Variants in GRIK3 observed in about 807,000 individuals in gnomAD.
GRIK3 encodes the protein glutamate receptor ionotropic, kainate 3.
Under a neutral mutation model 102.5 loss-of-function variants are expected in GRIK3, and 29 were observed. The observed-to-expected ratio is 0.28, with a 90% CI of 0.21 to 0.39. The LOEUF (loss-of-function observed/expected upper bound fraction) is 0.39. Among genes scored for constraint, GRIK3 ranks in the 10% least tolerant of loss-of-function variants. The probability of loss-of-function intolerance (pLI) is 1.00; values close to 1 mark genes in which losing one functional copy is unlikely to be tolerated. For missense variants in GRIK3, 908 were observed against 1,252.4 expected (o/e 0.73, Z 4.15); for synonymous variants, 511 against 504.9 (o/e 1.01, Z -0.16).
intron 1 of GRIK3, among the ~76,000 whole-genome samples, chr1:36,957,527 GTGTGCCCCGTGTCC>G (rs1176251874): frequency 2.9e-5 from 3 of 103,886 alleles, no homozygotes; most frequent in African/African-American, 6.9e-5. Context: ...CCATAAGCCT[GTGTGCCCCGTGTCC>G]TGTGCCCCGT....
intron 10 of GRIK3, among the ~76,000 whole-genome samples, chr1:36,829,049 A>G (rs903792174): frequency 1.3e-5 from 2 of 152,358 alleles, no homozygotes; most frequent in South Asian, 4.1e-4. Flanking sequence ...ACAACTGGCC[A>G]ATATGACCTT....
At chr1:36,969,773 C>A (rs945426817) in intron 1 of GRIK3, among the ~76,000 whole-genome samples, 9 of 152,220 alleles carry the variant, frequency 5.9e-5, no homozygotes, top group East Asian at 3.9e-4. Context: ...TGGCTTCAGG[C>A]CATAACACAC....
chr1:36,829,161 T>G (rs1483165249), intron 10 of GRIK3, among the ~76,000 whole-genome samples: 1 of 152,204 alleles, frequency 6.6e-6, no homozygotes, highest in Non-Finnish European at 1.5e-5. Flanking sequence ...TCACCGTTAG[T>G]TACGATTTCC....
At chr1:36,939,010 G>C (rs779599569) in intron 1 of GRIK3, among the ~76,000 whole-genome samples, 1 of 152,146 alleles carries the variant, frequency 6.6e-6, no homozygotes, top group Non-Finnish European at 1.5e-5. Flanking sequence ...TTTGAGTCTC[G>C]TCTCTTTGAG....
chr1:36,837,265 G>A (rs1464000560), intron 10 of GRIK3, among the ~76,000 whole-genome samples: 1 of 151,990 alleles, frequency 6.6e-6, no homozygotes, highest in Admixed American at 6.6e-5. Context: ...CCATCTACAG[G>A]GACCCCAATC....
chr1:36,976,251 G>C (rs981068197), intron 1 of GRIK3, among the ~76,000 whole-genome samples: 1 of 152,148 alleles, frequency 6.6e-6, no homozygotes, highest in East Asian at 1.9e-4. Flanking sequence ...GGAGGCTCTC[G>C]ACTCCTTCCC....
chr1:37,018,995 AC>A (rs1570869466), intron 1 of GRIK3, among the ~76,000 whole-genome samples: 1 of 151,870 alleles, frequency 6.6e-6, no homozygotes, highest in East Asian at 1.9e-4. Flanking sequence ...TTTCCCTCCC[AC>A]CCTCCAAGAA....
chr1:37,006,002 G>A (rs1309351941), intron 1 of GRIK3, among the ~76,000 whole-genome samples: 2 of 152,242 alleles, frequency 1.3e-5, no homozygotes, highest in African/African-American at 2.4e-5. Flanking sequence ...TGTCAGAATC[G>A]CTAGCCTGAA....
chr1:37,006,149 C>A (rs997995315), intron 1 of GRIK3, among the ~76,000 whole-genome samples: 1 of 152,182 alleles, frequency 6.6e-6, no homozygotes, highest in African/African-American at 2.4e-5. Flanking sequence ...AGGCTGTCTG[C>A]ATCCTTGGGG....
chr1:36,987,704 C>A (rs932283966), intron 1 of GRIK3, among the ~76,000 whole-genome samples: 1 of 152,098 alleles, frequency 6.6e-6, no homozygotes, highest in African/African-American at 2.4e-5. Context: ...ATGACTGGAA[C>A]GGTGGGTGCA....
chr1:36,953,952 C>G (rs1641874662), intron 1 of GRIK3, among the ~76,000 whole-genome samples: 1 of 152,218 alleles, frequency 6.6e-6, no homozygotes, highest in East Asian at 1.9e-4. Context: ...CAGCCCCTGT[C>G]TCCCAAGGGT....
chr1:36,998,513 G>C (rs937623233), intron 1 of GRIK3, among the ~76,000 whole-genome samples: 4 of 152,234 alleles, frequency 2.6e-5, no homozygotes, highest in Admixed American at 6.5e-5. Flanking sequence ...TGGAGAGGTT[G>C]ATGCATGAAC....
chr1:36,982,317 A>G (rs188216160), intron 1 of GRIK3, among the ~76,000 whole-genome samples: 3 of 152,314 alleles, frequency 2.0e-5, no homozygotes, highest in African/African-American at 4.8e-5. Context: ...AGGGTCTCAC[A>G]TGAGGCTACT....
chr1:36,990,685 T>C (rs1642355125), intron 1 of GRIK3, among the ~76,000 whole-genome samples: 1 of 152,098 alleles, frequency 6.6e-6, no homozygotes, highest in Non-Finnish European at 1.5e-5. Flanking sequence ...GAGCTTGAGA[T>C]AAAGGGATGG....
At chr1:36,863,357 G>A (rs919066598) in intron 5 of GRIK3, among the ~76,000 whole-genome samples, 11 of 152,166 alleles carry the variant, frequency 7.2e-5, no homozygotes, top group Admixed American at 5.2e-4. Flanking sequence ...ATCCAAGCCT[G>A]TCATTTCCAC....
rs115244184 is a variant in GRIK3 at position 37,006,421 on chromosome 1, C to T, written c.115+27573G>A. ...TTTTACTAAAGAACAGAGGTTGCCA[C>T]GTTCCACTGGGGACTGCACTTTGTT... On this transcript the variant is annotated intron_variant, in intron 1 of 15. Transcript: ENST00000373091. 4.6e-3 allele frequency among the ~76,000 whole-genome samples: 694 copies of T among 152,378 alleles called. 7 individuals are homozygous for T. The highest frequency in any genetic ancestry group is 0.016 in the African/African-American group (665 of 41,598).
rs574963998 is a variant in GRIK3, at chr1:37,011,032, C to G, written c.115+22962G>C. Among the ~76,000 whole-genome samples the G allele has an allele frequency of 3.8e-4, 58 of 152,324 alleles. No homozygotes were observed. In the South Asian group the frequency reaches 0.012, roughly 30 times the overall value. On this transcript the variant is annotated intron_variant, in intron 1 of 15. Coordinates refer to ENST00000373091, the MANE Select transcript of GRIK3 (RefSeq NM_000831.4). ...CTGGGATTACAGGCGTGAGCCACCA[C>G]GCCCGGCCTACCTGTACCACTTTTG...
chr1:36,942,419 C>A (rs1009307984), intron 1 of GRIK3, among the ~76,000 whole-genome samples: 1 of 152,224 alleles, frequency 6.6e-6, no homozygotes, highest in Non-Finnish European at 1.5e-5. Flanking sequence ...CTGGTAAAGA[C>A]CTGCTAATTG....
chr1:36,802,974 A>G (rs1225278345), intron 15 of GRIK3, among the ~76,000 whole-genome samples: 2 of 152,078 alleles, frequency 1.3e-5, no homozygotes, highest in African/African-American at 4.8e-5. Context: ...GCACTGTTCC[A>G]GGTGTTAGGC....
Sources: gnomAD v4.1 joint callset for allele counts (sites outside exome capture counted in the v4.1 genomes callset) on GRCh38, gnomAD v4.1.1 for gene constraint, MANE v1.5 for transcripts, NCBI Gene and HGNC (gene_info 2026-07-23, HGNC 2026-07-21) for gene names.